The following CHN1 variants were observed in gnomAD, a reference collection of about 807,000 sequenced individuals.
The protein encoded by CHN1 is chimerin 1, also known as N-chimaerin.
A neutral mutation model predicts 59.5 loss-of-function variants in CHN1; 37 were observed. The ratio of observed to expected loss-of-function variants is 0.62; its 90% confidence interval spans 0.48 to 0.82. CHN1 has a LOEUF of 0.82. Among genes scored for constraint, CHN1 ranks in the 40% least tolerant of loss-of-function variants. The probability of loss-of-function intolerance (pLI) is 0.00; values close to 1 mark genes in which losing one functional copy is unlikely to be tolerated. For synonymous variants in CHN1, 206 were observed against 200.4 expected, an observed-to-expected ratio of 1.03 and a Z score of -0.24; for missense variants, 469 against 571.0, an observed-to-expected ratio of 0.82 and a Z score of 1.82.
In CHN1 at chr2:174,800,220, G is replaced by C. The variant is rs1357291709; in HGVS notation, c.1276C>G (p.Leu426Val). The C allele has an allele frequency of 2.0e-6, 3 of 1,510,178 alleles. No individual in the cohort carries two copies. The highest frequency in any genetic ancestry group is 2.6e-6 in the Non-Finnish European group (3 of 1,133,238). The allele number at this position is 1,510,178 out of a possible 1,614,324, so 93.5% of individuals were successfully genotyped here. A position where few individuals can be genotyped will look rare whatever the true frequency, so the allele number is the denominator to read the frequency against. The change falls in exon 13 of 13, where the codon CTT (leucine) becomes GTT (valine). Residue 426 changes from leucine to valine, a missense_variant. Coordinates refer to ENST00000409900, the MANE Select transcript of CHN1 (RefSeq NM_001822.7). ...ENLGIVFGPTLMRSPELDAMA... is the reference protein window; with the variant it reads ...ENLGIVFGPTVMRSPELDAMA... ...GCGTCTAGTTCTGGAGATCTCATAA[G>C]GGTGGGTCCAAAGACGATTCCAAGG...
At chr2:174,941,476 A>AT (rs1689661991) in intron 3 of CHN1, among the ~76,000 whole-genome samples, 1 of 152,294 alleles carries the variant, frequency 6.6e-6, no homozygotes, top group Non-Finnish European at 1.5e-5. Flanking sequence ...CTCCTAATTC[A>AT]TTAATATCTC....
chr2:174,858,327 T>C (rs1161143579), intron 6 of CHN1, among the ~76,000 whole-genome samples: 3 of 152,208 alleles, frequency 2.0e-5, no homozygotes, highest in Non-Finnish European at 4.4e-5. Context: ...AATAGAGATA[T>C]ATATTGATTC....
intron 7 of CHN1, among the ~76,000 whole-genome samples, chr2:174,832,501 TTTTA>T (rs768488582): frequency 1.3e-5 from 2 of 152,124 alleles, no homozygotes; most frequent in South Asian, 2.1e-4. Context: ...TTTTGATATG[TTTTA>T]TTTTTCTTTT....
chr2:174,920,921 G>C (rs897907103), intron 3 of CHN1: 5 of 424,910 alleles, frequency 1.2e-5, no homozygotes, highest in Non-Finnish European at 1.9e-5. Flanking sequence ...CCATCTGGGG[G>C]TGATGGGAGA....
chr2:174,926,187 C>T (rs1215926204), intron 3 of CHN1, among the ~76,000 whole-genome samples: 1 of 151,454 alleles, frequency 6.6e-6, no homozygotes, highest in African/African-American at 2.4e-5. Flanking sequence ...GTTTTATAAA[C>T]AATGAACTAC....
intron 6 of CHN1, among the ~76,000 whole-genome samples, chr2:174,873,262 G>A (rs1687465434): frequency 6.6e-6 from 1 of 152,132 alleles, no homozygotes; most frequent in Non-Finnish European, 1.5e-5. Flanking sequence ...TTGGGGGAGA[G>A]CGAGAAGTGG....
chr2:174,817,669 G>A (rs1258695970), intron 8 of CHN1, among the ~76,000 whole-genome samples: 6 of 141,784 alleles, frequency 4.2e-5, no homozygotes, highest in Admixed American at 2.2e-4. Flanking sequence ...ACGGAGTCTC[G>A]CTCTGTCGCC....
At chr2:174,873,364 G>A (rs954201234) in intron 6 of CHN1, among the ~76,000 whole-genome samples, 4 of 152,160 alleles carry the variant, frequency 2.6e-5, no homozygotes, top group Non-Finnish European at 5.9e-5. Context: ...CCAAAAGACT[G>A]GGAAGGCACA....
chr2:174,843,665 C>A (rs893130030), intron 7 of CHN1, among the ~76,000 whole-genome samples: 4 of 151,502 alleles, frequency 2.6e-5, no homozygotes, highest in Admixed American at 2.6e-4. Flanking sequence ...TTCAGATGAA[C>A]CCTTAAGTAT....
intron 6 of CHN1, among the ~76,000 whole-genome samples, chr2:174,875,344 C>A (rs1428472972): frequency 6.6e-6 from 1 of 152,136 alleles, no homozygotes; most frequent in African/African-American, 2.4e-5. Context: ...CAAGGTCATA[C>A]AATTAGTTGG....
At chr2:174,897,079 G>C (rs1466366585) in intron 5 of CHN1, among the ~76,000 whole-genome samples, 2 of 152,112 alleles carry the variant, frequency 1.3e-5, no homozygotes, top group Admixed American at 1.3e-4. Context: ...TAAAATTGGT[G>C]TATTCTCTGT....
intron 6 of CHN1, among the ~76,000 whole-genome samples, chr2:174,869,726 T>C (rs1458718653): frequency 6.6e-6 from 1 of 152,206 alleles, no homozygotes; most frequent in Non-Finnish European, 1.5e-5. Context: ...TTGTAGAGTT[T>C]CCACATTATA....
chr2:174,885,128 A>AT (rs1264829100), intron 5 of CHN1, among the ~76,000 whole-genome samples: 2 of 151,682 alleles, frequency 1.3e-5, no homozygotes, highest in African/African-American at 4.8e-5. Context: ...TCTACTAAAA[A>AT]AAAAAAAAAT....
chr2:174,946,900 T>TAAA (rs34155510), intron 2 of CHN1, among the ~76,000 whole-genome samples: 56 of 100,190 alleles, frequency 5.6e-4, no homozygotes, highest in African/African-American at 2.0e-3. Context: ...CTAAAAAATG[T>TAAA]AAAAAAAAAA....
chr2:174,954,292 C>T (rs2105415945), intron 1 of CHN1, among the ~76,000 whole-genome samples: 1 of 152,186 alleles, frequency 6.6e-6, no homozygotes, highest in East Asian at 1.9e-4. Flanking sequence ...CAAAAATCAA[C>T]TCAAGATGGA....
chr2:174,931,909 G>C (rs1330654370), intron 3 of CHN1, among the ~76,000 whole-genome samples: 1 of 152,188 alleles, frequency 6.6e-6, no homozygotes, highest in Non-Finnish European at 1.5e-5. Flanking sequence ...TGGTCAGGCT[G>C]AAGCAGAATG....
At chr2:174,860,579 A>G (rs1284236500) in intron 6 of CHN1, among the ~76,000 whole-genome samples, 1 of 152,192 alleles carries the variant, frequency 6.6e-6, no homozygotes, top group East Asian at 1.9e-4. Context: ...TATGCTAGGC[A>G]CTAATGAAAC....
At chr2:174,982,159 G>A (rs1371094128) in intron 1 of CHN1, among the ~76,000 whole-genome samples, 2 of 152,122 alleles carry the variant, frequency 1.3e-5, no homozygotes, top group Non-Finnish European at 2.9e-5. Flanking sequence ...AGTATTCCAT[G>A]GTGTATATGT....
intron 1 of CHN1, among the ~76,000 whole-genome samples, chr2:174,957,563 A>G (rs1246109485): frequency 6.6e-6 from 1 of 151,500 alleles, no homozygotes; most frequent in African/African-American, 2.4e-5. Flanking sequence ...TCATGTTATT[A>G]TTTCCTTGAT....
Sources: gnomAD v4.1 joint callset for allele counts (sites outside exome capture counted in the v4.1 genomes callset) on GRCh38, gnomAD v4.1.1 for gene constraint, MANE v1.5 for transcripts, NCBI Gene and HGNC (gene_info 2026-07-23, HGNC 2026-07-21) for gene names.